The following DYNAP variants were observed in gnomAD, a reference collection of about 807,000 sequenced individuals.
DYNAP encodes the protein dynactin-associated protein.
In DYNAP, 7 loss-of-function variants were observed where a neutral mutation model predicts 8.5. That is an observed-to-expected ratio of 0.82 (90% confidence interval 0.47 to 1.54). DYNAP has a LOEUF of 1.54. Among genes scored for constraint, DYNAP ranks in the 40% most tolerant of loss-of-function variants. The probability of loss-of-function intolerance (pLI) is 0.01; values close to 1 mark genes in which losing one functional copy is unlikely to be tolerated. For synonymous variants in DYNAP, 77 were observed against 77.9 expected (o/e 0.99, Z 0.06); for missense variants, 256 against 224.3 (o/e 1.14, Z -0.90).
At chr18:54,589,837 T>A (rs1185233082), upstream of DYNAP, among the ~76,000 whole-genome samples, 1 of 152,130 alleles carries the variant, frequency 6.6e-6, no homozygotes, top group Non-Finnish European at 1.5e-5. Flanking sequence ...TTCTTCTGAT[T>A]TTCAAATGAA....
chr18:54,586,004 C>T (rs935998695), upstream of DYNAP, among the ~76,000 whole-genome samples: 2 of 152,184 alleles, frequency 1.3e-5, no homozygotes, highest in East Asian at 3.8e-4. Context: ...CCACTCCGTT[C>T]CTAGGTTGAG....
chr18:54,577,824 G>A, the DYNAP span, among the ~76,000 whole-genome samples: 10 of 151,902 alleles, frequency 6.6e-5, no homozygotes, highest in African/African-American at 1.4e-4. Context: ...AAAATTAGCC[G>A]GGCACGGTGG....
Position 54,598,840 on chromosome 18 carries a change from A to G in DYNAP, c.*695A>G, listed in dbSNP as rs1911422461. 1 of 152,154 alleles carries G rather than the reference A, an allele frequency of 6.6e-6. No homozygotes were observed. 9.4% of individuals were successfully genotyped at this position (152,154 alleles called of 1,614,324 possible). A position where few individuals can be genotyped will look rare whatever the true frequency, so the allele number is the denominator to read the frequency against. ...AGAGCCAGGCACCCTTTTAGGTCTA[A>G]TAAGAAACACTTTACAACCTGCTCT... On this transcript the variant is annotated 3_prime_UTR_variant, in exon 3 of 3. Transcript: ENST00000648945.
intron 1 of DYNAP, among the ~76,000 whole-genome samples, chr18:54,592,434 G>T (rs1911117912): frequency 6.6e-6 from 1 of 151,622 alleles, no homozygotes; most frequent in African/African-American, 2.4e-5. Context: ...TATTATTCAG[G>T]CATAGATATA....
At chr18:54,596,659 CAGG>C (rs1365962187) in intron 2 of DYNAP, among the ~76,000 whole-genome samples, 1 of 152,068 alleles carries the variant, frequency 6.6e-6, no homozygotes, top group Non-Finnish European at 1.5e-5. Context: ...GGGGCCAAAG[CAGG>C]AGGAGAACTT....
the DYNAP span, among the ~76,000 whole-genome samples, chr18:54,579,592 C>T: frequency 6.6e-6 from 1 of 152,170 alleles, no homozygotes; most frequent in Non-Finnish European, 1.5e-5. Context: ...AGTGGAGAAG[C>T]ATTTTTCTTC....
chr18:54,597,442 G>C (rs545004939), intron 2 of DYNAP, among the ~76,000 whole-genome samples: 23 of 152,222 alleles, frequency 1.5e-4, no homozygotes, highest in African/African-American at 5.3e-4. Context: ...CTACTCTGAT[G>C]GGAGAAGTTG....
chr18:54,585,127 CTTAT>C (rs1910832347), upstream of DYNAP, among the ~76,000 whole-genome samples: 1 of 152,036 alleles, frequency 6.6e-6, no homozygotes, highest in Non-Finnish European at 1.5e-5. Context: ...GGGTGCAATC[CTTAT>C]TTCTATTTCA....
At chr18:54,578,961 G>A in the DYNAP span, among the ~76,000 whole-genome samples, 10 of 151,840 alleles carry the variant, frequency 6.6e-5, no homozygotes, top group South Asian at 4.2e-4. Context: ...CACCATGCCC[G>A]GCTAATTTTT....
the DYNAP span, among the ~76,000 whole-genome samples, chr18:54,578,402 G>C: frequency 1.3e-5 from 2 of 152,184 alleles, no homozygotes; most frequent in Non-Finnish European, 2.9e-5. Context: ...TGTTAGTTCT[G>C]ATATTTAATG....
chr18:54,588,110 A>C (rs1265241918), upstream of DYNAP, among the ~76,000 whole-genome samples: 4 of 152,210 alleles, frequency 2.6e-5, no homozygotes, highest in Non-Finnish European at 4.4e-5. Context: ...ATAGACTGTA[A>C]GCAGAGGTCT....
chr18:54,584,231 ATATT>A (rs560569447), upstream of DYNAP, among the ~76,000 whole-genome samples: 182 of 149,500 alleles, frequency 1.2e-3, no homozygotes, highest in Non-Finnish European at 2.0e-3. Flanking sequence ...ACATTTAGAA[ATATT>A]TATTAAATAT....
At chr18:54,576,361 G>T in the DYNAP span, among the ~76,000 whole-genome samples, 1 of 152,096 alleles carries the variant, frequency 6.6e-6, no homozygotes, top group Non-Finnish European at 1.5e-5. Context: ...ACTCTCACCA[G>T]TAATAATGAG....
intron 2 of DYNAP, among the ~76,000 whole-genome samples, 194 bp from the exon 3 acceptor site, chr18:54,597,619 T>A (rs1240454756): frequency 1.3e-5 from 2 of 152,136 alleles, no homozygotes; most frequent in African/African-American, 4.8e-5. Context: ...TTTGCAAATT[T>A]GTCTTTCTTC....
chr18:54,597,970 A>C lies in DYNAP; in HGVS notation c.380A>C (p.Asn127Thr). 6.2e-7 allele frequency: 1 copy of C among 1,613,586 alleles called. No individual in the cohort carries two copies. Among genetic ancestry groups the C allele is most frequent in the Non-Finnish European group, 8.5e-7 (1 of 1,179,770 alleles). The change falls in exon 3 of 3, where the codon AAT (asparagine) becomes ACT (threonine). Residue 127 changes from asparagine to threonine, a missense_variant. Physicochemically the swap from Asn to Thr is moderately conservative, Grantham distance 65. Coordinates refer to ENST00000648945, the MANE Select transcript of DYNAP (RefSeq NM_173629.3). Reference protein sequence around the residue: ...NSSIVIQLSTNDGECVTVKPG... With the variant: ...NSSIVIQLSTTDGECVTVKPG... ...TCCATTGTTATCCAGCTATCCACAA[A>C]TGATGGAGAGTGTGTGACTGTCAAA...
chr18:54,597,118 A>G (rs1346201601), intron 2 of DYNAP, among the ~76,000 whole-genome samples: 1 of 152,116 alleles, frequency 6.6e-6, no homozygotes, highest in African/African-American at 2.4e-5. Context: ...TCTAAATTCT[A>G]TATTATACTG....
the DYNAP span, among the ~76,000 whole-genome samples, chr18:54,579,638 C>G: frequency 6.6e-6 from 1 of 152,188 alleles, no homozygotes; most frequent in Non-Finnish European, 1.5e-5. Context: ...AGTCATGTTG[C>G]TCAATAAGTA....
At chr18:54,596,063 T>C (rs1208323260) in intron 2 of DYNAP, among the ~76,000 whole-genome samples, 8 of 151,816 alleles carry the variant, frequency 5.3e-5, no homozygotes, top group Admixed American at 5.3e-4. Context: ...TTTTTTTTAT[T>C]TTTATTTTTT....
Position 54,594,986 on chromosome 18 carries a change from G to C in DYNAP, c.105G>C (p.Trp35Cys). ...NDQEAHSSIC[W>C]CLPSNDITSD... is the part of the protein sequence containing the mutation. ...AAGAGGCTCACAGTTCCATATGCTG[G>C]TGTCTACCTTCAAATGATATAACCA... Residue 35 changes from tryptophan (W) to cysteine (C), a missense_variant, in exon 2 of 3, where the codon TGG (tryptophan) becomes TGC (cysteine). Transcript: ENST00000648945. 6.2e-7 allele frequency: 1 copy of C among 1,612,582 alleles called. No homozygotes were observed. The highest frequency in any genetic ancestry group is 1.7e-5 in the Admixed American group (1 of 59,882).
Sources: allele counts gnomAD v4.1 joint callset (sites outside exome capture counted in the v4.1 genomes callset), GRCh38; gene constraint gnomAD v4.1.1; transcripts MANE v1.5; gene names NCBI Gene and HGNC (gene_info 2026-07-23, HGNC 2026-07-21).